PDGFC: variants seen among roughly 807,000 people sequenced by gnomAD.
The protein encoded by PDGFC is platelet-derived growth factor C.
PDGFC carries 12 observed loss-of-function variants against 35.5 expected under a neutral mutation model. The observed-to-expected ratio is 0.34, with a 90% CI of 0.22 to 0.55. PDGFC has a LOEUF of 0.55. Ranked by LOEUF, PDGFC falls within the 20% of genes least tolerant of loss-of-function variation. The probability of loss-of-function intolerance (pLI) is 0.91; values close to 1 mark genes in which losing one functional copy is unlikely to be tolerated. For missense variants in PDGFC, 322 were observed against 412.4 expected, an observed-to-expected ratio of 0.78 and a Z score of 1.90; for synonymous variants, 159 against 148.8, an observed-to-expected ratio of 1.07 and a Z score of -0.50.
chr4:156,846,814 C>T (rs943966542), intron 2 of PDGFC, among the ~76,000 whole-genome samples: 9 of 151,352 alleles, frequency 5.9e-5, no homozygotes, highest in African/African-American at 2.2e-4. Context: ...GGGGAAAATG[C>T]CTCTTAGCAA....
chr4:156,864,493 G>T (rs1560846996), intron 1 of PDGFC, among the ~76,000 whole-genome samples: 1 of 152,050 alleles, frequency 6.6e-6, no homozygotes, highest in African/African-American at 2.4e-5. Flanking sequence ...CCATTTTCTT[G>T]GCTTGACTTG....
At chr4:156,931,705 T>C (rs1384797838) in intron 1 of PDGFC, among the ~76,000 whole-genome samples, 1 of 152,222 alleles carries the variant, frequency 6.6e-6, no homozygotes, top group Non-Finnish European at 1.5e-5. Context: ...ACATTTGCTA[T>C]GTTAACTATC....
intron 1 of PDGFC, among the ~76,000 whole-genome samples, chr4:156,953,774 C>T (rs1293113038): frequency 6.6e-6 from 1 of 151,880 alleles, no homozygotes; most frequent in African/African-American, 2.4e-5. Flanking sequence ...TTGAGCTTTA[C>T]CCATCTAAGA....
At chr4:156,861,792 G>C (rs1434795956) in intron 1 of PDGFC, among the ~76,000 whole-genome samples, 1 of 152,050 alleles carries the variant, frequency 6.6e-6, no homozygotes, top group East Asian at 1.9e-4. Context: ...CCCAGATCTT[G>C]CTCATTAACT....
intron 2 of PDGFC, among the ~76,000 whole-genome samples, chr4:156,825,796 T>C (rs977054440): frequency 7.2e-5 from 11 of 151,892 alleles, no homozygotes; most frequent in Non-Finnish European, 1.2e-4. Context: ...ATTATGTTCT[T>C]TGTATAGCTG....
intron 1 of PDGFC, among the ~76,000 whole-genome samples, chr4:156,949,274 G>T (rs1270868896): frequency 6.6e-6 from 1 of 151,900 alleles, no homozygotes; most frequent in African/African-American, 2.4e-5. Context: ...ACAGAGAGAA[G>T]TTGAAAAGTA....
chr4:156,943,219 G>A (rs944535066), intron 1 of PDGFC, among the ~76,000 whole-genome samples: 2 of 152,034 alleles, frequency 1.3e-5, no homozygotes, highest in Non-Finnish European at 2.9e-5. Context: ...CGCAAATACA[G>A]CCTTAGGCAG....
intron 2 of PDGFC, among the ~76,000 whole-genome samples, chr4:156,813,258 T>C (rs1466629012): frequency 2.6e-5 from 4 of 152,144 alleles, no homozygotes; most frequent in African/African-American, 7.2e-5. Flanking sequence ...GGTGAGCCTG[T>C]GTGATGCAGG....
chr4:156,787,416 A>G (rs1731158267), intron 3 of PDGFC, among the ~76,000 whole-genome samples: 1 of 152,182 alleles, frequency 6.6e-6, no homozygotes, highest in African/African-American at 2.4e-5. Context: ...ACCAAGTGCG[A>G]TTCTGACAAA....
rs571704048 is a variant in PDGFC, at chr4:156,827,152, A to T, written c.315-16135T>A. Among the ~76,000 whole-genome samples, 140 of 152,284 alleles carry T rather than the reference A, an allele frequency of 9.2e-4. 5 individuals carry two copies. The South Asian group carries it at 0.026, about 28-fold the overall frequency. On this transcript the variant is annotated intron_variant, in intron 2 of 5. Coordinates refer to ENST00000502773, the MANE Select transcript of PDGFC (RefSeq NM_016205.3). ...GAACAGATTGGCTGGGCACAGTGGC[A>T]CACGCCTGAAATTCCAGCACTTTGG...
intron 1 of PDGFC, among the ~76,000 whole-genome samples, chr4:156,907,255 G>A (rs1730936281): frequency 6.6e-6 from 1 of 152,052 alleles, no homozygotes; most frequent in South Asian, 2.1e-4. Context: ...TAAAACCACT[G>A]TTTTTATACA....
At chr4:156,789,471 T>C (rs1731228824) in intron 3 of PDGFC, among the ~76,000 whole-genome samples, 1 of 152,168 alleles carries the variant, frequency 6.6e-6, no homozygotes, top group African/African-American at 2.4e-5. Context: ...CTACAAAATA[T>C]TTTATAAATA....
intron 2 of PDGFC, among the ~76,000 whole-genome samples, chr4:156,848,336 T>C (rs2111076389): frequency 6.6e-6 from 1 of 151,988 alleles, no homozygotes; most frequent in South Asian, 2.1e-4. Flanking sequence ...ACTGATAATT[T>C]TGAAAAAACA....
chr4:156,880,071 G>A (rs1443440176), intron 1 of PDGFC, among the ~76,000 whole-genome samples: 2 of 152,160 alleles, frequency 1.3e-5, no homozygotes, highest in Admixed American at 1.3e-4. Context: ...GTGAAGCTGT[G>A]GCAAGCTATC....
intron 2 of PDGFC, among the ~76,000 whole-genome samples, chr4:156,846,992 T>G (rs958933042): frequency 6.6e-6 from 1 of 151,872 alleles, no homozygotes; most frequent in Admixed American, 6.6e-5. Flanking sequence ...ATGATAGATT[T>G]TGCTTATAAC....
intron 4 of PDGFC, chr4:156,770,737 G>A (rs544126083): frequency 2.2e-4 from 34 of 152,114 alleles, no homozygotes; most frequent in Admixed American, 2.0e-3. Context: ...AAATGCAAAT[G>A]TCATTAATAT....
At chr4:156,771,306 C>T (rs550918493) in intron 4 of PDGFC, among the ~76,000 whole-genome samples, 2 of 152,226 alleles carry the variant, frequency 1.3e-5, no homozygotes, top group Non-Finnish European at 2.9e-5. Context: ...CAGTTTAGAA[C>T]CTGATTCACT....
At chr4:156,805,843 T>C (rs1405467226) in intron 3 of PDGFC, among the ~76,000 whole-genome samples, 2 of 152,036 alleles carry the variant, frequency 1.3e-5, no homozygotes, top group Admixed American at 1.3e-4. Flanking sequence ...GCATAATTAA[T>C]AACCACTTTG....
At chr4:156,826,556 A>C (rs1728760935) in intron 2 of PDGFC, among the ~76,000 whole-genome samples, 1 of 152,084 alleles carries the variant, frequency 6.6e-6, no homozygotes, top group Non-Finnish European at 1.5e-5. Context: ...AGATGAGTCA[A>C]ATTTTTATCA....
Sources: allele counts gnomAD v4.1 joint callset (sites outside exome capture counted in the v4.1 genomes callset), GRCh38; gene constraint gnomAD v4.1.1; transcripts MANE v1.5; gene names NCBI Gene and HGNC (gene_info 2026-07-23, HGNC 2026-07-21).